Variants in PKN2 observed in about 807,000 individuals in gnomAD.
PKN2 encodes the protein serine/threonine-protein kinase N2.
PKN2 carries 38 observed loss-of-function variants against 119.1 expected under a neutral mutation model. The observed-to-expected ratio is 0.32, with a 90% CI of 0.25 to 0.42. PKN2 has a LOEUF of 0.42. PKN2 is among the 10% of genes least tolerant of loss of function. PKN2 has a pLI of 1.00. For missense variants in PKN2, 850 were observed against 1,165.1 expected (o/e 0.73, Z 3.94); for synonymous variants, 390 against 384.9 (o/e 1.01, Z -0.15).
intron 1 of PKN2, among the ~76,000 whole-genome samples, chr1:88,687,631 A>T (rs1180886409): frequency 1.3e-5 from 2 of 152,192 alleles, no homozygotes; most frequent in African/African-American, 4.8e-5. Flanking sequence ...CTTCATCAAA[A>T]TGCCCAATAA....
chr1:88,802,371 G>C (rs570012519), intron 8 of PKN2, among the ~76,000 whole-genome samples: 43 of 151,770 alleles, frequency 2.8e-4, no homozygotes, highest in African/African-American at 1.0e-3. Context: ...TGTTGCCCAG[G>C]CTGGAGTGTA....
At chr1:88,788,178 G>T (rs1424876505) in intron 8 of PKN2, among the ~76,000 whole-genome samples, 1 of 152,076 alleles carries the variant, frequency 6.6e-6, no homozygotes, top group Non-Finnish European at 1.5e-5. Flanking sequence ...TTTTAGAGTT[G>T]TAGGATAATT....
At chr1:88,705,692 G>A (rs961218925) in intron 1 of PKN2, among the ~76,000 whole-genome samples, 2 of 151,634 alleles carry the variant, frequency 1.3e-5, no homozygotes, top group African/African-American at 4.8e-5. Flanking sequence ...AGTGAGACTC[G>A]GTCTGCAAAA....
Position 88,701,991 on chromosome 1 carries a change from C to G in PKN2, c.48+17363C>G, listed in dbSNP as rs189762569. On this transcript the variant is annotated intron_variant, in intron 1 of 21. Transcript: ENST00000370521. ...TTTGTTTTTTTGAGACAGAGTCTCA[C>G]TCTGTAGCCCAAGCTGGAATGCAGT... Among the ~76,000 whole-genome samples the G allele has an allele frequency of 5.3e-5, 8 of 152,282 alleles. No individual in the cohort carries two copies. The East Asian group carries it at 1.5e-3, about 29-fold the overall frequency.
At chr1:88,807,082 G>A (rs1427549401) in intron 12 of PKN2, among the ~76,000 whole-genome samples, 1 of 152,098 alleles carries the variant, frequency 6.6e-6, no homozygotes, top group African/African-American at 2.4e-5. Context: ...TCGGGAGGCT[G>A]AGGTAGGAGG....
intron 18 of PKN2, among the ~76,000 whole-genome samples, chr1:88,826,540 TAC>T (rs1368662796): frequency 6.6e-6 from 1 of 152,174 alleles, no homozygotes; most frequent in African/African-American, 2.4e-5. Context: ...CCAAATAACA[TAC>T]ATTGTACCTA....
At chr1:88,807,939 T>C (rs1421237025) in intron 15 of PKN2, among the ~76,000 whole-genome samples, 164 bp downstream of exon 15, 1 of 152,204 alleles carries the variant, frequency 6.6e-6, no homozygotes, top group Non-Finnish European at 1.5e-5. Context: ...TTTTTCTTTT[T>C]TGCCCCTTTT....
intron 15 of PKN2, among the ~76,000 whole-genome samples, chr1:88,811,415 A>T (rs1302719836): frequency 6.6e-6 from 1 of 152,244 alleles, no homozygotes; most frequent in Non-Finnish European, 1.5e-5. Context: ...AAGGAAGTAC[A>T]CGAAACATGT....
chr1:88,817,138 CAA>C (rs938573634), intron 16 of PKN2, among the ~76,000 whole-genome samples: 5 of 152,032 alleles, frequency 3.3e-5, no homozygotes, highest in Admixed American at 2.6e-4. Flanking sequence ...AACATCGATG[CAA>C]AAATCTTCAG....
chr1:88,706,592 G>T lies in PKN2; in HGVS notation c.48+21964G>T, dbSNP rs80136028. Among the ~76,000 whole-genome samples the T allele has an allele frequency of 5.0e-3, 766 of 152,210 alleles. 2 individuals carry two copies. The highest frequency in any genetic ancestry group is 0.017 in the African/African-American group (721 of 41,554). Reference sequence around the variant, plus strand: ...AAGCATGCAGCCTTACATAATTCATGTAAGATTAGTTGTATGAGTTTTGTA... The same window carrying T: ...AAGCATGCAGCCTTACATAATTCATTTAAGATTAGTTGTATGAGTTTTGTA... On this transcript the variant is annotated intron_variant, in intron 1 of 21. Coordinates refer to ENST00000370521, the MANE Select transcript of PKN2 (RefSeq NM_006256.4).
intron 1 of PKN2, among the ~76,000 whole-genome samples, chr1:88,727,291 T>G (rs919927973): frequency 2.6e-5 from 4 of 152,158 alleles, no homozygotes; most frequent in African/African-American, 9.7e-5. Flanking sequence ...AGCCTACCTG[T>G]GTCATGATAC....
intron 1 of PKN2, among the ~76,000 whole-genome samples, chr1:88,718,820 T>C (rs1667556989): frequency 6.6e-6 from 1 of 152,184 alleles, no homozygotes; most frequent in South Asian, 2.1e-4. Flanking sequence ...TTTTGTATCA[T>C]TTCTTCCCTG....
intron 1 of PKN2, among the ~76,000 whole-genome samples, chr1:88,705,450 TC>T (rs1666937901): frequency 6.6e-6 from 1 of 152,078 alleles, no homozygotes; most frequent in Admixed American, 6.5e-5. Flanking sequence ...ATCCCAGCAC[TC>T]TGGGAGGCCG....
At chr1:88,750,088 CAGACA>C (rs1668927622) in intron 2 of PKN2, among the ~76,000 whole-genome samples, 1 of 152,116 alleles carries the variant, frequency 6.6e-6, no homozygotes, top group Non-Finnish European at 1.5e-5. Context: ...ATGAGAGGGA[CAGACA>C]ATATGTACCC....
intron 3 of PKN2, among the ~76,000 whole-genome samples, chr1:88,762,284 A>C (rs1333183091): frequency 6.6e-6 from 1 of 152,262 alleles, no homozygotes; most frequent in East Asian, 1.9e-4. Context: ...CATCCTGTTA[A>C]AACAAATATG....
At chr1:88,704,538 G>T (rs1037120911) in intron 1 of PKN2, among the ~76,000 whole-genome samples, 3 of 152,116 alleles carry the variant, frequency 2.0e-5, no homozygotes, top group Non-Finnish European at 4.4e-5. Flanking sequence ...TATAGCAGGT[G>T]CATGTTTTGA....
chr1:88,753,434 G>A (rs1669079432), intron 2 of PKN2, among the ~76,000 whole-genome samples: 4 of 152,026 alleles, frequency 2.6e-5, no homozygotes, highest in Non-Finnish European at 1.5e-5. Context: ...TGTCTTCATT[G>A]TTGAAAGATA....
chr1:88,794,504 T>G (rs1331226305), intron 8 of PKN2, among the ~76,000 whole-genome samples: 1 of 152,144 alleles, frequency 6.6e-6, no homozygotes, highest in Non-Finnish European at 1.5e-5. Flanking sequence ...CTGGGGAGAC[T>G]GAGGCAAGAT....
Position 88,684,469 on chromosome 1 carries a change from T to TG in PKN2, c.-112_-111insG. Reference sequence around the variant, plus strand: ...TGCGCCTCCATGAATCCCTAGTTGTTTTTTTTTTTTTCTTTCTCTCCCCTC... The same window carrying TG: ...TGCGCCTCCATGAATCCCTAGTTGTTGTTTTTTTTTTTCTTTCTCTCCCCTC... On this transcript the variant is annotated 5_prime_UTR_variant, in exon 1 of 22. Coordinates refer to ENST00000370521, the MANE Select transcript of PKN2 (RefSeq NM_006256.4). 2.4e-5 allele frequency: 19 copies of TG among 780,530 alleles called. No homozygotes were observed. The highest frequency in any genetic ancestry group is 3.1e-5 in the Non-Finnish European group (17 of 545,930). The allele number at this position is 780,530 out of a possible 1,614,324, so 48.4% of individuals were successfully genotyped here.
Sources: gnomAD v4.1 joint callset for allele counts (sites outside exome capture counted in the v4.1 genomes callset) on GRCh38, gnomAD v4.1.1 for gene constraint, MANE v1.5 for transcripts, NCBI Gene and HGNC (gene_info 2026-07-23, HGNC 2026-07-21) for gene names.